The following SLC35F3 variants were observed in gnomAD, a reference collection of about 807,000 sequenced individuals.
The protein encoded by SLC35F3 is putative thiamine transporter SLC35F3.
Under a neutral mutation model 49.9 loss-of-function variants are expected in SLC35F3, and 25 were observed. The ratio of observed to expected loss-of-function variants is 0.50; its 90% CI spans 0.37 to 0.70. The LOEUF is 0.70. SLC35F3 is among the 30% of genes least tolerant of loss of function. The pLI is 0.00. For missense variants in SLC35F3, 525 were observed against 639.8 expected (o/e 0.82, Z 1.94); for synonymous variants, 275 against 265.4 (o/e 1.04, Z -0.35).
Position 234,321,532 on chromosome 1 carries a change from A to C in SLC35F3, c.1237+1345A>C, listed in dbSNP as rs555957106. ...TCACTTGTCACCGTCCTCCCCCTAC[A>C]TTCTTTGCATCTTTAGTTTGTGGTC... On this transcript the variant is annotated intron_variant, in intron 7 of 7. Coordinates refer to ENST00000366618, the MANE Select transcript of SLC35F3 (RefSeq NM_173508.4). Among the ~76,000 whole-genome samples, 7 of 152,282 alleles carry C rather than the reference A, an allele frequency of 4.6e-5. 1 individual carries two copies. In the South Asian group the frequency reaches 8.3e-4, roughly 18 times the overall value.
At chr1:233,984,758 G>C (rs1663240155) in intron 2 of SLC35F3, among the ~76,000 whole-genome samples, 1 of 152,204 alleles carries the variant, frequency 6.6e-6, no homozygotes, top group Non-Finnish European at 1.5e-5. Flanking sequence ...CCCCTTAGCT[G>C]AGGTCTACAG....
intron 3 of SLC35F3, among the ~76,000 whole-genome samples, chr1:234,288,399 G>C (rs1195933050): frequency 1.3e-5 from 2 of 152,156 alleles, no homozygotes; most frequent in Non-Finnish European, 1.5e-5. Context: ...AATAACCCCT[G>C]TAACTCTTAT....
intron 2 of SLC35F3, among the ~76,000 whole-genome samples, chr1:234,163,830 C>T (rs546645833): frequency 1.3e-5 from 2 of 152,318 alleles, no homozygotes; most frequent in South Asian, 2.1e-4. Flanking sequence ...CCTCCTCCTA[C>T]GGGGTTTCCC....
intron 3 of SLC35F3, among the ~76,000 whole-genome samples, chr1:234,304,068 TTCC>T (rs1464082510): frequency 5.1e-4 from 12 of 23,504 alleles, no homozygotes; most frequent in African/African-American, 2.1e-3. Flanking sequence ...CTTTCCTTCC[TTCC>T]TTTCTTCCTT....
rs781469880 is a variant in SLC35F3, at chr1:234,081,904, A to ATTTTTTTTTTTTT, written c.284-149493_284-149481dup. ...AGGCGCCTGCCACCATGCCTGGCTAATTTTTTTTTTTTTTTTTTTTTTTTT... is the reference window on the plus strand; with the variant it reads ...AGGCGCCTGCCACCATGCCTGGCTAATTTTTTTTTTTTTTTTTTTTTTTTTTTTTTTTTTTTTT... On this transcript the variant is annotated intron_variant, in intron 2 of 7. Transcript: ENST00000366618. 1.8e-3 allele frequency among the ~76,000 whole-genome samples: 71 copies of ATTTTTTTTTTTTT among 39,230 alleles called. 11 individuals carry two copies. Among genetic ancestry groups the ATTTTTTTTTTTTT allele is most frequent in the Non-Finnish European group, 1.8e-3 (43 of 24,366 alleles). The allele number at this position is 39,230 out of a possible 152,430, so 25.7% of individuals were successfully genotyped here. A position where few individuals can be genotyped will look rare whatever the true frequency, so the allele number is the denominator to read the frequency against.
At chr1:234,101,676 A>T (rs558957816) in intron 2 of SLC35F3, among the ~76,000 whole-genome samples, 118 of 152,366 alleles carry the variant, frequency 7.7e-4, no homozygotes, top group African/African-American at 2.7e-3. Flanking sequence ...ACCTTTCTAT[A>T]CCCAAGAATT....
At chr1:233,974,014 A>G (rs917001485) in intron 2 of SLC35F3, among the ~76,000 whole-genome samples, 1 of 152,156 alleles carries the variant, frequency 6.6e-6, no homozygotes, top group Non-Finnish European at 1.5e-5. Context: ...CTCTGGCTAC[A>G]TGTAAATCCA....
chr1:234,231,421 G>A lies in SLC35F3; in HGVS notation c.288G>A (p.Glu96=). 1.3e-6 allele frequency: 2 copies of A among 1,552,476 alleles called. No homozygotes were observed. Among genetic ancestry groups the A allele is most frequent in the Non-Finnish European group, 8.7e-7 (1 of 1,152,136 alleles). ...CCACGCCCTTCTCTTCCCCAGGGGA[G>A]GAGCGCCCCCGGGACTCCCCGGGCC... The part of the protein sequence containing the change: ...YQPWAASCKR[E]ERPRDSPGPA... The change falls in exon 3 of 8, where the codon GAG becomes GAA. Residue 96 remains glutamate (E), a synonymous_variant. Coordinates refer to ENST00000366618, the MANE Select transcript of SLC35F3 (RefSeq NM_173508.4). This position sits in a 1 kb window ranked among gnomAD's most constrained non-coding sequence, Gnocchi z 5.4.
chr1:234,109,729 G>C (rs769172799), intron 2 of SLC35F3, among the ~76,000 whole-genome samples: 2 of 152,180 alleles, frequency 1.3e-5, no homozygotes, highest in African/African-American at 2.4e-5. Flanking sequence ...AGGGAGAGGG[G>C]GAGGACAAAG....
intron 2 of SLC35F3, among the ~76,000 whole-genome samples, chr1:233,953,716 G>A (rs142782714): frequency 3.9e-5 from 6 of 152,144 alleles, no homozygotes; most frequent in Admixed American, 2.0e-4. Context: ...ATGAAGTGTC[G>A]CAGGGTAGAA....
rs569213915 is a variant in SLC35F3 at position 233,992,437 on chromosome 1, C to T, written c.283+86679C>T. ...ATCACATCATCTCAGAGAAGGTCGA[C>T]GGGGAAGTGGACACATGTCAAGGGT... On this transcript the variant is annotated intron_variant, in intron 2 of 7. Transcript: ENST00000366618. Among the ~76,000 whole-genome samples, 136 of 152,200 alleles carry T rather than the reference C, an allele frequency of 8.9e-4. 3 individuals are homozygous for T. Among genetic ancestry groups the T allele is most frequent in the African/African-American group, 3.2e-3 (131 of 41,520 alleles).
chr1:234,278,044 T>C (rs925784457), intron 3 of SLC35F3, among the ~76,000 whole-genome samples: 1 of 150,552 alleles, frequency 6.6e-6, no homozygotes, highest in African/African-American at 2.5e-5. Context: ...AAATACAAAA[T>C]TAGCCAGGCA....
chr1:234,078,023 A>C (rs1297180441), intron 2 of SLC35F3, among the ~76,000 whole-genome samples: 1 of 151,854 alleles, frequency 6.6e-6, no homozygotes, highest in Non-Finnish European at 1.5e-5. Context: ...TCTCTCCTTG[A>C]CTCCTACTGC....
chr1:234,191,010 AC>A (rs1666722790), intron 2 of SLC35F3, among the ~76,000 whole-genome samples: 1 of 152,236 alleles, frequency 6.6e-6, no homozygotes, highest in Non-Finnish European at 1.5e-5. Context: ...CCGAGCTTCC[AC>A]AGCCCTTCTT....
chr1:234,245,489 A>G (rs955465359), intron 3 of SLC35F3, among the ~76,000 whole-genome samples: 1 of 152,362 alleles, frequency 6.6e-6, no homozygotes, highest in Non-Finnish European at 1.5e-5. Context: ...ATACCCAGCA[A>G]TGGGATTGCT....
At chr1:234,212,185 G>T (rs1667054816) in intron 2 of SLC35F3, among the ~76,000 whole-genome samples, 1 of 152,178 alleles carries the variant, frequency 6.6e-6, no homozygotes, top group Non-Finnish European at 1.5e-5. Context: ...CCCAGTCTCA[G>T]GTATGTCTTT....
chr1:233,931,584 C>T (rs575142004), intron 2 of SLC35F3, among the ~76,000 whole-genome samples: 133 of 152,252 alleles, frequency 8.7e-4, no homozygotes, highest in Non-Finnish European at 1.7e-3. Context: ...AAATCAAAAC[C>T]ACAAGGAGAT....
chr1:234,308,885 G>A (rs769194016), intron 3 of SLC35F3, among the ~76,000 whole-genome samples: 1 of 152,110 alleles, frequency 6.6e-6, no homozygotes, highest in East Asian at 1.9e-4. Context: ...ACAGAAGGAA[G>A]AATCTGTGAC....
rs182648199 is a variant in SLC35F3, at chr1:234,210,348, C to T, written c.284-21069C>T. Among the ~76,000 whole-genome samples, 11 of 152,076 alleles carry T rather than the reference C, an allele frequency of 7.2e-5. No homozygotes were observed. The East Asian group carries it at 7.7e-4, about 11-fold the overall frequency. On this transcript the variant is annotated intron_variant, in intron 2 of 7. Transcript: ENST00000366618. ...AGTGAGGCATTGCTGAAAAGATACC[C>T]GAGAATATGGAAGTGACTTTGAAAC... is the stretch of plus-strand genomic sequence containing the variant.
Sources: allele counts gnomAD v4.1 joint callset (sites outside exome capture counted in the v4.1 genomes callset), GRCh38; gene constraint gnomAD v4.1.1; non-coding constraint Gnocchi (gnomAD v3.1); transcripts MANE v1.5; gene names NCBI Gene and HGNC (gene_info 2026-07-23, HGNC 2026-07-21).